Variants in ZFP82 observed in about 807,000 individuals in gnomAD.
ZFP82 encodes the protein zinc finger protein 82 homolog.
In ZFP82, 30 loss-of-function variants were observed where a neutral mutation model predicts 54.0. The observed-to-expected ratio is 0.56, with a 90% CI of 0.42 to 0.75. ZFP82 has a LOEUF of 0.75. ZFP82 is among the 30% of genes least tolerant of loss of function. The pLI, the probability that ZFP82 is intolerant of heterozygous loss-of-function variation, is 0.00. For missense variants in ZFP82, 500 were observed against 636.8 expected (o/e 0.79, Z 2.31); for synonymous variants, 194 against 209.5 (o/e 0.93, Z 0.64).
intron 4 of ZFP82, 55 bp from the exon 5 acceptor site, chr19:36,394,165 A>ACT (rs2032256255): frequency 7.0e-7 from 1 of 1,425,612 alleles, no homozygotes; most frequent in East Asian, 2.3e-5. Flanking sequence ...AAAAGAAGCA[A>ACT]CATTTCTAAT....
Position 36,393,472 on chromosome 19 carries a change from C to T in ZFP82, c.868G>A (p.Ala290Thr). ...GTCAGGTGTGCGTACTGTCTAAAGG[C>T]TTTTCCACACTCTTTACACACATAG... The part of the protein sequence containing the change: ...KPYVCKECGK[A>T]FRQYAHLTRH... The change falls in exon 5 of 5, where the codon GCC becomes ACC. Residue 290 changes from alanine (A) to threonine (T), a missense_variant. By Grantham distance (58) the Ala-to-Thr change is moderately conservative. Transcript: ENST00000392161. The T allele has an allele frequency of 6.2e-7, 1 of 1,613,746 alleles. No individual in the cohort carries two copies. Among genetic ancestry groups the T allele is most frequent in the African/African-American group, 1.3e-5 (1 of 74,898 alleles).
rs1459435792 is a variant in ZFP82 at position 36,393,646 on chromosome 19, C to T, written c.694G>A (p.Gly232Arg). The T allele has an allele frequency of 4.3e-6, 7 of 1,614,012 alleles. No individual in the cohort carries two copies. Among genetic ancestry groups the T allele is most frequent in the Non-Finnish European group, 8.5e-7 (1 of 1,180,032 alleles). Residue 232 changes from glycine (G) to arginine (R), a missense_variant, in exon 5 of 5, where the codon GGG becomes AGG. Transcript: ENST00000392161. ...TCTGCACCACATATGAAAGCTTCCC[C>T]ACATTCCTTACATTCATAGAGTTTT... The part of the protein sequence containing the change: ...GEKLYECKEC[G>R]EAFICGADLR...
In ZFP82 at chr19:36,393,319, T is replaced by C. The variant is rs761404870; in HGVS notation, c.1021A>G (p.Lys341Glu). 6.2e-7 allele frequency: 1 copy of C among 1,614,128 alleles called. No individual in the cohort carries two copies. The highest frequency in any genetic ancestry group is 8.5e-7 in the Non-Finnish European group (1 of 1,180,012). Residue 341 changes from lysine to glutamate, a missense_variant, in exon 5 of 5, where the codon AAG becomes GAG. Transcript: ENST00000392161. The part of the protein sequence containing the change: ...LHTGEKPYEC[K>E]ECGKAFRVRQ... Reference sequence around the variant, plus strand: ...ACTCTAAAGGCCTTCCCGCATTCCTTACATTCATAGGGTTTCTCACCAGTA... The same window carrying C: ...ACTCTAAAGGCCTTCCCGCATTCCTCACATTCATAGGGTTTCTCACCAGTA...
chr19:36,386,352 C>T (rs1261458152), downstream of ZFP82, among the ~76,000 whole-genome samples: 1 of 152,236 alleles, frequency 6.6e-6, no homozygotes, highest in Non-Finnish European at 1.5e-5. Flanking sequence ...GGCATGGCTT[C>T]CTTCACTTAG....
At chr19:36,410,624 T>C (rs890636975) in intron 1 of ZFP82, among the ~76,000 whole-genome samples, 6 of 151,904 alleles carry the variant, frequency 3.9e-5, no homozygotes, top group African/African-American at 1.4e-4. Context: ...TGCCTCAGCC[T>C]CCCAAGTAGC....
At chr19:36,386,301 G>A (rs745309003), downstream of ZFP82, among the ~76,000 whole-genome samples, 10 of 152,244 alleles carry the variant, frequency 6.6e-5, no homozygotes, top group Non-Finnish European at 1.5e-4. Context: ...GCATCAATGT[G>A]GTGCTAATTT....
rs73043899 is a variant in ZFP82, at chr19:36,413,683, G to A, written c.-78-3816C>T. On this transcript the variant is annotated intron_variant, in intron 1 of 4. Transcript: ENST00000392161. Reference sequence around the variant, plus strand: ...AGATTCAGGATATGAACAGAGCTCTGAGAATTATTAACTGTGAGAATTTGG... The same window carrying A: ...AGATTCAGGATATGAACAGAGCTCTAAGAATTATTAACTGTGAGAATTTGG... Among the ~76,000 whole-genome samples the A allele has an allele frequency of 7.0e-3, 1,071 of 152,230 alleles. 8 individuals carry two copies. The highest frequency in any genetic ancestry group is 0.012 in the Non-Finnish European group (802 of 68,018).
chr19:36,392,807 A>G lies in ZFP82; in HGVS notation c.1533T>C (p.Cys511=), dbSNP rs1430763242. The change falls in exon 5 of 5, where the codon TGT becomes TGC. Residue 511 remains cysteine, a synonymous_variant. Transcript: ENST00000392161. ...GTGAATGTTGCCTAAAGGCCTTCTT[A>G]CATTCCTTACATTCATAGGGTTTCT... ...SGEKPYECKE[C]KKAFRQHSHL... 2 of 1,609,978 alleles carry G rather than the reference A, an allele frequency of 1.2e-6. No individual in the cohort carries two copies. The highest frequency in any genetic ancestry group is 2.7e-5 in the African/African-American group (2 of 74,870).
At chr19:36,401,253 C>G (rs921985940) in intron 4 of ZFP82, among the ~76,000 whole-genome samples, 1 of 152,120 alleles carries the variant, frequency 6.6e-6, no homozygotes, top group African/African-American at 2.4e-5. Flanking sequence ...AAACATAAAC[C>G]AGGCTGTAAT....
chr19:36,388,250 T>C (rs182535750), downstream of ZFP82, among the ~76,000 whole-genome samples: 56 of 152,316 alleles, frequency 3.7e-4, no homozygotes, highest in East Asian at 2.7e-3. Flanking sequence ...AATGTTTGCA[T>C]ATATCTTAAG....
At chr19:36,394,368 T>G (rs967952405) in intron 4 of ZFP82, 1 of 417,066 alleles carries the variant, frequency 2.4e-6, no homozygotes, top group Non-Finnish European at 4.3e-6. Context: ...AATCACCACA[T>G]AGCTTGTTAC....
At position 36,389,564 on chromosome 19, in the gene ZFP82, C is replaced by CT. The variant is rs1200143621; in HGVS notation, c.*3176dup. 1.3e-5 allele frequency among the ~76,000 whole-genome samples: 2 copies of CT among 152,134 alleles called. No homozygotes were observed. The highest frequency in any genetic ancestry group is 2.9e-5 in the Non-Finnish European group (2 of 68,020). On this transcript the variant is annotated 3_prime_UTR_variant, in exon 5 of 5. Coordinates refer to ENST00000392161, the MANE Select transcript of ZFP82 (RefSeq NM_133466.4). ...GCCTTAAATACCTCAGTATGAATCT[C>CT]TAACACTTAAGGACTCATACACATA...
intron 2 of ZFP82, among the ~76,000 whole-genome samples, chr19:36,408,703 A>G (rs1396916115): frequency 6.6e-6 from 1 of 152,032 alleles, no homozygotes; most frequent in Non-Finnish European, 1.5e-5. Flanking sequence ...CTGTAATCCT[A>G]GCTACTCAGG....
chr19:36,408,376 C>T (rs935036831), intron 2 of ZFP82, among the ~76,000 whole-genome samples: 5 of 152,176 alleles, frequency 3.3e-5, no homozygotes, highest in Non-Finnish European at 5.9e-5. Context: ...CCGCCCCTTT[C>T]TTCTTAAAGA....
downstream of ZFP82, among the ~76,000 whole-genome samples, chr19:36,387,090 T>C (rs1034381876): frequency 2.6e-5 from 4 of 152,350 alleles, no homozygotes; most frequent in African/African-American, 9.6e-5. Context: ...CTTGATTTCA[T>C]AGACTAACAG....
intron 4 of ZFP82, among the ~76,000 whole-genome samples, chr19:36,398,347 G>A (rs1250030790): frequency 3.3e-5 from 5 of 152,126 alleles, no homozygotes; most frequent in South Asian, 2.1e-4. Flanking sequence ...GACCTGCCTG[G>A]CCAATATTGT....
intron 4 of ZFP82, among the ~76,000 whole-genome samples, chr19:36,398,974 C>T (rs182164693): frequency 2.6e-5 from 4 of 151,834 alleles, no homozygotes; most frequent in Non-Finnish European, 4.4e-5. Context: ...AAAAAAAAAT[C>T]AGAGGTAGAA....
At chr19:36,403,496 C>T (rs183853566) in intron 4 of ZFP82, among the ~76,000 whole-genome samples, 8 of 150,260 alleles carry the variant, frequency 5.3e-5, no homozygotes, top group East Asian at 2.0e-4. Flanking sequence ...GGCACACGCC[C>T]GTAATCCCAG....
At chr19:36,408,609 C>T (rs1477432088) in intron 2 of ZFP82, among the ~76,000 whole-genome samples, 11 of 152,034 alleles carry the variant, frequency 7.2e-5, no homozygotes, top group Non-Finnish European at 1.3e-4. Context: ...CACCTGAGGT[C>T]GGGAGTTCGA....
Sources: gnomAD v4.1 joint callset for allele counts (sites outside exome capture counted in the v4.1 genomes callset) on GRCh38, gnomAD v4.1.1 for gene constraint, MANE v1.5 for transcripts, NCBI Gene and HGNC (gene_info 2026-07-23, HGNC 2026-07-21) for gene names.